The following SLC16A2 variants were observed in gnomAD, a reference collection of about 807,000 sequenced individuals.
The protein encoded by SLC16A2 is monocarboxylate transporter 8.
SLC16A2 carries 3 observed loss-of-function variants against 27.2 expected under a neutral mutation model. That is an observed-to-expected ratio of 0.11 (90% CI 0.05 to 0.28). The LOEUF (loss-of-function observed/expected upper bound fraction) is 0.28, where lower values mean the gene tolerates loss of function less well. Among genes scored for constraint, SLC16A2 ranks in the 10% least tolerant of loss-of-function variants. The pLI, the probability that SLC16A2 is intolerant of heterozygous loss-of-function variation, is 1.00. For synonymous variants in SLC16A2, 202 were observed against 187.8 expected (o/e 1.08, Z -0.62); for missense variants, 295 against 458.5 (o/e 0.64, Z 3.26).
intron 1 of SLC16A2, among the ~76,000 whole-genome samples, chrX:74,431,370 A>G (rs1004958984): frequency 8.9e-6 from 1 of 112,315 alleles, no homozygotes; most frequent in Non-Finnish European, 1.9e-5. Context: ...GAATTAACAA[A>G]CAGAAAACCA....
At chrX:74,529,504 C>T in intron 5 of SLC16A2, 63 bp downstream of exon 5, 2 of 863,673 alleles carry the variant, frequency 2.3e-6, no homozygotes, top group Non-Finnish European at 3.3e-6. Context: ...GGTACTGGCA[C>T]TCCTGAGCAT....
In SLC16A2 at chrX:74,499,008, G is replaced by A. The variant is rs186392976; in HGVS notation, c.431-21982G>A. On this transcript the variant is annotated intron_variant, in intron 1 of 5. Coordinates refer to ENST00000587091, the MANE Select transcript of SLC16A2 (RefSeq NM_006517.5). ...CTTCTCTCTCCTAGGCCAGACCCCAGTCAGACTTTGGATGAAGGAGAAGGC... is the reference window on the plus strand; with the variant it reads ...CTTCTCTCTCCTAGGCCAGACCCCAATCAGACTTTGGATGAAGGAGAAGGC... 3.4e-3 allele frequency among the ~76,000 whole-genome samples: 376 copies of A among 112,035 alleles called. 1 individual carries two copies. Among genetic ancestry groups the A allele is most frequent in the African/African-American group, 0.012 (364 of 30,799 alleles).
At chrX:74,431,829 C>T (rs1210550057) in intron 1 of SLC16A2, among the ~76,000 whole-genome samples, 1 of 111,420 alleles carries the variant, frequency 9.0e-6, no homozygotes, top group Admixed American at 9.6e-5. Flanking sequence ...TTTCCAGCCT[C>T]TAAAAACAGA....
At chrX:74,462,852 A>G (rs1305780741) in intron 1 of SLC16A2, among the ~76,000 whole-genome samples, 10 of 111,628 alleles carry the variant, frequency 9.0e-5, no homozygotes, top group Non-Finnish European at 1.7e-4. Flanking sequence ...ATCCCATAAA[A>G]ATAGAAGGCC....
intron 5 of SLC16A2, among the ~76,000 whole-genome samples, chrX:74,529,803 G>T (rs1200083776): frequency 1.9e-5 from 2 of 107,247 alleles, no homozygotes; most frequent in Non-Finnish European, 3.8e-5. Flanking sequence ...TTGCAAGGTA[G>T]TTGGGTAGGA....
At chrX:74,477,520 T>C (rs1056064984) in intron 1 of SLC16A2, among the ~76,000 whole-genome samples, 25 of 111,845 alleles carry the variant, frequency 2.2e-4, no homozygotes, top group African/African-American at 7.5e-4. Context: ...TGCCTTCTGC[T>C]AGCTTTTGAA....
At chrX:74,523,059 T>G (rs753357365) in intron 2 of SLC16A2, among the ~76,000 whole-genome samples, 12 of 111,483 alleles carry the variant, frequency 1.1e-4, no homozygotes, top group Non-Finnish European at 1.3e-4. Flanking sequence ...TTTCCCCCAC[T>G]GGCCCCTTCC....
chrX:74,504,967 G>A (rs1446026569), intron 1 of SLC16A2, among the ~76,000 whole-genome samples: 1 of 111,693 alleles, frequency 9.0e-6, no homozygotes, highest in East Asian at 2.8e-4. Flanking sequence ...TCCAACCCGG[G>A]TGACAGAGCA....
intron 1 of SLC16A2, among the ~76,000 whole-genome samples, chrX:74,493,374 C>T (rs1176246253): frequency 8.9e-6 from 1 of 112,219 alleles, no homozygotes; most frequent in Non-Finnish European, 1.9e-5. Context: ...GATCAGGAAA[C>T]TGACAGTCAG....
At chrX:74,455,115 G>C (rs1250970469) in intron 1 of SLC16A2, among the ~76,000 whole-genome samples, 1 of 111,741 alleles carries the variant, frequency 8.9e-6, no homozygotes, top group African/African-American at 3.3e-5. Flanking sequence ...GTATGTCTCA[G>C]TTTCTTCAAA....
chrX:74,428,115 ATC>A (rs4019657), intron 1 of SLC16A2, among the ~76,000 whole-genome samples: 35,586 of 109,650 alleles, frequency 0.32, 4,665 homozygotes, highest in East Asian at 0.95. Context: ...ATCCTCCTGT[ATC>A]TCTCCCAGTA....
At chrX:74,490,782 A>G (rs966501742) in intron 1 of SLC16A2, among the ~76,000 whole-genome samples, 1 of 111,967 alleles carries the variant, frequency 8.9e-6, no homozygotes, top group Admixed American at 9.5e-5. Context: ...TTATCATGCA[A>G]ATGCACACAG....
chrX:74,465,056 T>C (rs1929225989), intron 1 of SLC16A2, among the ~76,000 whole-genome samples: 1 of 111,958 alleles, frequency 8.9e-6, no homozygotes, highest in African/African-American at 3.2e-5. Context: ...CAAACAGCTG[T>C]TGTTTCAGGA....
intron 1 of SLC16A2, among the ~76,000 whole-genome samples, chrX:74,451,970 A>G (rs1928950680): frequency 8.9e-6 from 1 of 112,781 alleles, no homozygotes; most frequent in South Asian, 3.6e-4. Context: ...TATAGTTAAG[A>G]GCCAAAGAAG....
intron 1 of SLC16A2, among the ~76,000 whole-genome samples, chrX:74,449,159 T>C (rs1180005129): frequency 8.9e-6 from 1 of 111,876 alleles, no homozygotes; most frequent in East Asian, 2.8e-4. Context: ...GAAGTATGAA[T>C]GAAGCACAGA....
intron 1 of SLC16A2, among the ~76,000 whole-genome samples, chrX:74,479,578 A>C (rs1362258907): frequency 9.0e-6 from 1 of 111,624 alleles, no homozygotes; most frequent in East Asian, 2.8e-4. Flanking sequence ...TAGAATTTTC[A>C]GTTTTTCTGC....
intron 1 of SLC16A2, among the ~76,000 whole-genome samples, chrX:74,424,441 C>T (rs148120782): frequency 0.014 from 1,515 of 111,653 alleles, 29 homozygotes; most frequent in African/African-American, 0.048. Context: ...CTTTCCCAAG[C>T]AACCATTCAG....
intron 1 of SLC16A2, among the ~76,000 whole-genome samples, chrX:74,498,749 C>T (rs375706699): frequency 1.8e-5 from 2 of 111,962 alleles, no homozygotes; most frequent in Non-Finnish European, 3.8e-5. Flanking sequence ...TCCCATTGTT[C>T]GGGTTTCTGG....
Position 74,496,260 on chromosome X carries a change from ACACACACACACACACG to A in SLC16A2, c.431-24714_431-24699del, listed in dbSNP as rs1373808168. ...CTTGGGGAAGACAGAAAACACACACACACACACACACACACGCACACACACACACACACACCCCACA... is the reference window on the plus strand; with the variant it reads ...CTTGGGGAAGACAGAAAACACACACACACACACACACACACACACCCCACA... On this transcript the variant is annotated intron_variant, in intron 1 of 5. Coordinates refer to ENST00000587091, the MANE Select transcript of SLC16A2 (RefSeq NM_006517.5). Among the ~76,000 whole-genome samples the A allele has an allele frequency of 7.4e-3, 470 of 63,491 alleles. 4 individuals carry two copies. The highest frequency in any genetic ancestry group is 8.8e-3 in the Non-Finnish European group (184 of 20,967). The allele number at this position is 63,491 out of a possible 115,157, so 55.1% of individuals were successfully genotyped here. A position where few individuals can be genotyped will look rare whatever the true frequency, so the allele number is the denominator to read the frequency against.
Sources: allele counts gnomAD v4.1 joint callset (sites outside exome capture counted in the v4.1 genomes callset), GRCh38; gene constraint gnomAD v4.1.1; transcripts MANE v1.5; gene names NCBI Gene and HGNC (gene_info 2026-07-23, HGNC 2026-07-21).